The following UBE2E3 variants were observed in gnomAD, a reference collection of about 807,000 sequenced individuals.
The protein encoded by UBE2E3 is ubiquitin conjugating enzyme E2 E3.
UBE2E3 carries 5 observed loss-of-function variants against 23.6 expected under a neutral mutation model. The observed-to-expected ratio is 0.21, with a 90% CI of 0.11 to 0.44. The LOEUF (loss-of-function observed/expected upper bound fraction) is 0.44. Ranked by LOEUF, UBE2E3 falls within the 20% of genes least tolerant of loss-of-function variation. The pLI, the probability that UBE2E3 is intolerant of heterozygous loss-of-function variation, is 0.99. For synonymous variants in UBE2E3, 78 were observed against 87.5 expected (o/e 0.89, Z 0.60); for missense variants, 81 against 249.8 (o/e 0.32, Z 4.55).
intron 3 of UBE2E3, among the ~76,000 whole-genome samples, chr2:181,002,952 C>G (rs1248279143): frequency 6.6e-6 from 1 of 152,178 alleles, no homozygotes; most frequent in Admixed American, 6.5e-5. Context: ...AACTCAACAC[C>G]CGGTACAAAA....
At chr2:180,995,015 C>T (rs1420281926) in intron 3 of UBE2E3, among the ~76,000 whole-genome samples, 2 of 152,192 alleles carry the variant, frequency 1.3e-5, no homozygotes, top group African/African-American at 4.8e-5. Context: ...TAGCCACCTC[C>T]TGTTGCTGTT....
At chr2:181,040,469 A>G (rs1024423699) in intron 3 of UBE2E3, among the ~76,000 whole-genome samples, 1 of 152,156 alleles carries the variant, frequency 6.6e-6, no homozygotes, top group South Asian at 2.1e-4. Context: ...GCCACAGTGC[A>G]TTTTTTCATG....
At chr2:181,003,713 A>G (rs1574172229) in intron 3 of UBE2E3, among the ~76,000 whole-genome samples, 1 of 152,328 alleles carries the variant, frequency 6.6e-6, no homozygotes, top group Non-Finnish European at 1.5e-5. Context: ...ACTCCTAGCC[A>G]TGGACATTTT....
At chr2:181,032,916 A>C (rs1037313902) in intron 3 of UBE2E3, among the ~76,000 whole-genome samples, 1 of 152,160 alleles carries the variant, frequency 6.6e-6, no homozygotes, top group Non-Finnish European at 1.5e-5. Flanking sequence ...TCATGAGTGA[A>C]CTCCCATTCA....
intron 3 of UBE2E3, among the ~76,000 whole-genome samples, chr2:180,993,167 C>T (rs943351523): frequency 2.4e-4 from 36 of 152,162 alleles, no homozygotes; most frequent in African/African-American, 4.8e-4. Context: ...TGGATGTGCC[C>T]GTCGGTAGGT....
intron 3 of UBE2E3, among the ~76,000 whole-genome samples, chr2:181,039,474 C>G (rs914745486): frequency 3.9e-5 from 6 of 151,962 alleles, no homozygotes; most frequent in African/African-American, 1.2e-4. Flanking sequence ...AAAACATTGT[C>G]TTAAGAGTGT....
At chr2:181,034,539 A>AG (rs1686202655) in intron 3 of UBE2E3, among the ~76,000 whole-genome samples, 1 of 152,160 alleles carries the variant, frequency 6.6e-6, no homozygotes, top group Admixed American at 6.5e-5. Context: ...GGGTGGGGGG[A>AG]GCGGGGAGAG....
intron 2 of UBE2E3, 130 bp from the exon 3 acceptor site, chr2:180,983,913 G>C (rs960190342): frequency 1.6e-6 from 1 of 615,018 alleles, no homozygotes; most frequent in East Asian, 2.9e-5. Context: ...AGAGGAAGCA[G>C]CCATGTTAGC....
intron 3 of UBE2E3, among the ~76,000 whole-genome samples, chr2:181,028,976 GC>G (rs1017441597): frequency 6.6e-6 from 1 of 151,844 alleles, no homozygotes; most frequent in African/African-American, 2.4e-5. Flanking sequence ...TCAAAGGCTT[GC>G]CCTTAGTGTT....
At chr2:181,006,596 T>A (rs1685154738) in intron 3 of UBE2E3, among the ~76,000 whole-genome samples, 1 of 152,168 alleles carries the variant, frequency 6.6e-6, no homozygotes, top group Non-Finnish European at 1.5e-5. Context: ...TTAGCTGAAA[T>A]TCAAATTTAA....
At chr2:181,001,346 C>A (rs888332902) in intron 3 of UBE2E3, among the ~76,000 whole-genome samples, 2 of 152,028 alleles carry the variant, frequency 1.3e-5, no homozygotes, top group East Asian at 3.9e-4. Flanking sequence ...GCTTGGATTT[C>A]GAAAGTAGAA....
chr2:181,019,915 GAC>G (rs1290764756), intron 3 of UBE2E3, among the ~76,000 whole-genome samples: 1 of 151,968 alleles, frequency 6.6e-6, no homozygotes. Context: ...GTTAACTGTA[GAC>G]ACGTTGCTGT....
chr2:181,051,169 T>A (rs1686835609), intron 3 of UBE2E3, among the ~76,000 whole-genome samples: 1 of 151,858 alleles, frequency 6.6e-6, no homozygotes, highest in South Asian at 2.1e-4. Flanking sequence ...TTTATGTTTT[T>A]AAAACTTGAA....
At chr2:181,016,400 A>C (rs1423230983) in intron 3 of UBE2E3, among the ~76,000 whole-genome samples, 1 of 152,136 alleles carries the variant, frequency 6.6e-6, no homozygotes, top group Admixed American at 6.5e-5. Flanking sequence ...TGTCTTTATC[A>C]ATAAAAATGA....
chr2:181,028,556 A>C (rs909856177), intron 3 of UBE2E3, among the ~76,000 whole-genome samples: 3 of 152,078 alleles, frequency 2.0e-5, no homozygotes, highest in Non-Finnish European at 2.9e-5. Context: ...AGGTTTATCA[A>C]CTCTGACAAT....
intron 3 of UBE2E3, among the ~76,000 whole-genome samples, chr2:181,039,595 A>G (rs1686414070): frequency 6.6e-6 from 1 of 152,064 alleles, no homozygotes; most frequent in South Asian, 2.1e-4. Flanking sequence ...ACATGGCGAG[A>G]CTCCCATCTC....
At chr2:181,026,690 C>T (rs1270411821) in intron 3 of UBE2E3, among the ~76,000 whole-genome samples, 1 of 151,670 alleles carries the variant, frequency 6.6e-6, no homozygotes, top group Admixed American at 6.6e-5. Context: ...ATTTGTTCCG[C>T]CATTACTTCA....
chr2:181,028,418 A>G (rs1248349001), intron 3 of UBE2E3, among the ~76,000 whole-genome samples: 4 of 152,068 alleles, frequency 2.6e-5, no homozygotes, highest in Non-Finnish European at 1.5e-5. Flanking sequence ...CTTTCATTGT[A>G]TATCTAAGAG....
chr2:181,015,023 G>A (rs1157393361), intron 3 of UBE2E3, among the ~76,000 whole-genome samples: 4 of 152,176 alleles, frequency 2.6e-5, no homozygotes, highest in Non-Finnish European at 5.9e-5. Flanking sequence ...GTGTGGTCAA[G>A]CAGGCATTAG....
Sources: allele counts gnomAD v4.1 joint callset (sites outside exome capture counted in the v4.1 genomes callset), GRCh38; gene constraint gnomAD v4.1.1; transcripts MANE v1.5; gene names NCBI Gene and HGNC (gene_info 2026-07-23, HGNC 2026-07-21).